The following PIEZO2 variants were observed in gnomAD, a reference collection of about 807,000 sequenced individuals.
The protein encoded by PIEZO2 is piezo type mechanosensitive ion channel component 2, also known as piezo-type mechanosensitive ion channel component 2.
PIEZO2 carries 172 observed loss-of-function variants against 337.3 expected under a neutral mutation model. The observed-to-expected ratio is 0.51, with a 90% CI of 0.45 to 0.58. PIEZO2 has a LOEUF of 0.58. PIEZO2 is among the 20% of genes least tolerant of loss of function. The pLI is 0.00. For synonymous variants in PIEZO2, 1,251 were observed against 1,228.5 expected, an observed-to-expected ratio of 1.02 and a Z score of -0.38; for missense variants, 3,028 against 3,391.3, an observed-to-expected ratio of 0.89 and a Z score of 2.66.
At position 10,759,192 on chromosome 18, in the gene PIEZO2, T is replaced by C. The variant is rs1399045666; in HGVS notation, c.3757+290A>G. Among the ~76,000 whole-genome samples the C allele has an allele frequency of 7.1e-6, 1 of 141,636 alleles. No individual in the cohort carries two copies. The highest frequency in any genetic ancestry group is 1.5e-5 in the Non-Finnish European group (1 of 65,658). 92.9% of individuals were successfully genotyped at this position (141,636 alleles called of 152,430 possible). A position where few individuals can be genotyped will look rare whatever the true frequency, so the allele number is the denominator to read the frequency against. The stretch of plus-strand genomic sequence containing the variant: ...CCTCTCTGGTCTGTCTTTTGAAAGG[T>C]GGCTGTGTAAATGTGTGTGTGTGTG... On this transcript the variant is annotated intron_variant, in intron 26 of 55. Transcript: ENST00000674853. The surrounding 1 kb of genome is among the most constrained non-coding windows in gnomAD (Gnocchi z 5.5).
intron 2 of PIEZO2, among the ~76,000 whole-genome samples, chr18:11,008,217 C>A (rs1195207118): frequency 6.6e-6 from 1 of 152,124 alleles, no homozygotes; most frequent in African/African-American, 2.4e-5. Flanking sequence ...TAGATACTGA[C>A]CAAACTACCT....
chr18:10,948,105 C>G (rs185370326), intron 3 of PIEZO2, among the ~76,000 whole-genome samples: 14 of 152,130 alleles, frequency 9.2e-5, no homozygotes, highest in Admixed American at 8.5e-4. Context: ...GAAATGCTTT[C>G]AAGTATATGG....
In PIEZO2 at chr18:10,877,456, A is replaced by G. The variant is rs1200184475; in HGVS notation, c.330-6041T>C. 6.6e-6 allele frequency among the ~76,000 whole-genome samples: 1 copy of G among 152,200 alleles called. No individual in the cohort carries two copies. The highest frequency in any genetic ancestry group is 2.4e-5 in the African/African-American group (1 of 41,450). On this transcript the variant is annotated intron_variant, in intron 4 of 55. Transcript: ENST00000674853. The surrounding 1 kb of genome is among the most constrained non-coding windows in gnomAD (Gnocchi z 5.3). ...TTTTCCTACTGGATATCTGTACTTC[A>G]GTATCCCATAGATTTTCCATTCAGT...
chr18:10,886,276 C>A (rs1013142603), intron 4 of PIEZO2, among the ~76,000 whole-genome samples: 1 of 129,634 alleles, frequency 7.7e-6, no homozygotes, highest in South Asian at 2.7e-4. Context: ...ATTTCAAGAA[C>A]CCCAGTGGAT....
intron 32 of PIEZO2, among the ~76,000 whole-genome samples, chr18:10,741,872 G>A (rs8097071): frequency 0.32 from 49,336 of 151,992 alleles, 8,686 homozygotes; most frequent in East Asian, 0.54. Flanking sequence ...AAATTAAGCG[G>A]GCTGGGCTCG....
At chr18:10,780,677 T>G (rs2038949355) in intron 17 of PIEZO2, among the ~76,000 whole-genome samples, 1 of 150,784 alleles carries the variant, frequency 6.6e-6, no homozygotes, top group South Asian at 2.1e-4. Flanking sequence ...ACCTTTTTTT[T>G]TTTTTTTTCA....
chr18:10,912,350 G>A (rs1329961874), intron 3 of PIEZO2, among the ~76,000 whole-genome samples: 2 of 152,128 alleles, frequency 1.3e-5, no homozygotes, highest in African/African-American at 4.8e-5. Context: ...ACATTTTCCT[G>A]ATGCTTAGTC....
rs989048409 is a variant in PIEZO2, at chr18:11,001,179, C to T, written c.161-21519G>A. Among the ~76,000 whole-genome samples, 1 of 152,082 alleles carries T rather than the reference C, an allele frequency of 6.6e-6. No homozygotes were observed. Among genetic ancestry groups the T allele is most frequent in the Non-Finnish European group, 1.5e-5 (1 of 68,018 alleles). On this transcript the variant is annotated intron_variant, in intron 2 of 55. Coordinates refer to ENST00000674853, the MANE Select transcript of PIEZO2 (RefSeq NM_001378183.1). The surrounding 1 kb of genome is among the most constrained non-coding windows in gnomAD (Gnocchi z 5.3). The stretch of plus-strand genomic sequence containing the variant: ...TCTTGATCTGGATATTGATTGTCCT[C>T]AAGCAGATGTAAGCCTCCTGAAGGC...
rs574099563 is a variant in PIEZO2 at position 10,801,276 on chromosome 18, A to C, written c.1239+114T>G. ...GATATAATTTATGCCCAAAAATGGAAAAGCTTATGGAAATTTTAATAGATC... is the reference window on the plus strand; with the variant it reads ...GATATAATTTATGCCCAAAAATGGACAAGCTTATGGAAATTTTAATAGATC... On this transcript the variant is annotated intron_variant, in intron 10 of 55. Coordinates refer to ENST00000674853, the MANE Select transcript of PIEZO2 (RefSeq NM_001378183.1). 1.4e-5 allele frequency: 13 copies of C among 919,458 alleles called. No individual in the cohort carries two copies. In the South Asian group the frequency reaches 2.7e-4, roughly 19 times the overall value. 57.0% of individuals were successfully genotyped at this position (919,458 alleles called of 1,614,324 possible). A position where few individuals can be genotyped will look rare whatever the true frequency, so the allele number is the denominator to read the frequency against.
rs1334769155 is a variant in PIEZO2, at chr18:11,001,017, T to G, written c.161-21357A>C. Among the ~76,000 whole-genome samples, 2 of 152,206 alleles carry G rather than the reference T, an allele frequency of 1.3e-5. No homozygotes were observed. Among genetic ancestry groups the G allele is most frequent in the Non-Finnish European group, 2.9e-5 (2 of 68,030 alleles). On this transcript the variant is annotated intron_variant, in intron 2 of 55. Coordinates refer to ENST00000674853, the MANE Select transcript of PIEZO2 (RefSeq NM_001378183.1). This position sits in a 1 kb window ranked among gnomAD's most constrained non-coding sequence, Gnocchi z 5.3. ...ATGAGTGTTACCTGGGCAAGACAGCTTCCTACAGTTAAAGGCAATTATTGG... is the reference window on the plus strand; with the variant it reads ...ATGAGTGTTACCTGGGCAAGACAGCGTCCTACAGTTAAAGGCAATTATTGG...
At chr18:11,026,491 T>C (rs2036546665) in intron 2 of PIEZO2, among the ~76,000 whole-genome samples, 1 of 152,150 alleles carries the variant, frequency 6.6e-6, no homozygotes, top group Non-Finnish European at 1.5e-5. Context: ...CTCCACCACC[T>C]GTAACTCCTT....
At chr18:10,780,647 A>G (rs947016110) in intron 17 of PIEZO2, among the ~76,000 whole-genome samples, 1 of 148,050 alleles carries the variant, frequency 6.8e-6, no homozygotes, top group Non-Finnish European at 1.5e-5. Flanking sequence ...CAAATTTGTA[A>G]TGTTTAAATT....
intron 3 of PIEZO2, among the ~76,000 whole-genome samples, chr18:10,958,851 T>C (rs1279083922): frequency 4.6e-5 from 7 of 152,164 alleles, no homozygotes; most frequent in Admixed American, 4.6e-4. Flanking sequence ...TGATATAAAT[T>C]GAAATACCAA....
intron 7 of PIEZO2, among the ~76,000 whole-genome samples, chr18:10,851,191 T>G (rs1379464912): frequency 2.6e-5 from 4 of 151,402 alleles, no homozygotes; most frequent in Admixed American, 2.6e-4. Flanking sequence ...GCAGTTTGTT[T>G]TCTTCCAACT....
In PIEZO2 at chr18:11,048,089, C is replaced by G. The variant is rs893202567; in HGVS notation, c.160+18038G>C. 1.3e-5 allele frequency among the ~76,000 whole-genome samples: 2 copies of G among 152,180 alleles called. No homozygotes were observed. The highest frequency in any genetic ancestry group is 2.4e-5 in the African/African-American group (1 of 41,432). On this transcript the variant is annotated intron_variant, in intron 2 of 55. Transcript: ENST00000674853. The surrounding 1 kb of genome is among the most constrained non-coding windows in gnomAD (Gnocchi z 4.5). Reference sequence around the variant, plus strand: ...TAGACAGTCAAGAGCACAGCGGCAGCCACTGCCACCAACAGCATGTGACAC... The same window carrying G: ...TAGACAGTCAAGAGCACAGCGGCAGGCACTGCCACCAACAGCATGTGACAC...
intron 2 of PIEZO2, among the ~76,000 whole-genome samples, chr18:11,022,629 A>G (rs2036353496): frequency 6.6e-6 from 1 of 152,176 alleles, no homozygotes; most frequent in South Asian, 2.1e-4. Flanking sequence ...GCTTCAGGTA[A>G]CCTTAATCAC....
Position 11,126,316 on chromosome 18 carries a change from A to G in PIEZO2, c.64+22209T>C, listed in dbSNP as rs1379178525. Among the ~76,000 whole-genome samples, 1 of 152,142 alleles carries G rather than the reference A, an allele frequency of 6.6e-6. No homozygotes were observed. The highest frequency in any genetic ancestry group is 1.5e-5 in the Non-Finnish European group (1 of 68,042). On this transcript the variant is annotated intron_variant, in intron 1 of 55. Transcript: ENST00000674853. This position sits in a 1 kb window ranked among gnomAD's most constrained non-coding sequence, Gnocchi z 4.6. ...AGGAATGATCTGTTATTTGCCCAGC[A>G]TCACTCCCCTCTCTCCTTTCTGTTC...
intron 4 of PIEZO2, among the ~76,000 whole-genome samples, chr18:10,889,223 T>C (rs1476379776): frequency 2.6e-5 from 4 of 152,182 alleles, no homozygotes; most frequent in African/African-American, 9.7e-5. Flanking sequence ...TACTATCAGT[T>C]TTTTCCCCTT....
intron 18 of PIEZO2, 64 bp from the exon 19 acceptor site, chr18:10,774,102 T>C: frequency 1.4e-6 from 1 of 700,532 alleles, no homozygotes; most frequent in Non-Finnish European, 2.6e-6. Flanking sequence ...TTATAAGGAA[T>C]GTCAGAGATC....
Sources: gnomAD v4.1 joint callset for allele counts (sites outside exome capture counted in the v4.1 genomes callset) on GRCh38, gnomAD v4.1.1 for gene constraint, Gnocchi (gnomAD v3.1) non-coding constraint, MANE v1.5 for transcripts, NCBI Gene and HGNC (gene_info 2026-07-23, HGNC 2026-07-21) for gene names.